Variants in NELFB observed in about 807,000 individuals in gnomAD.
NELFB encodes the protein negative elongation factor B.
In NELFB, 34 loss-of-function variants were observed where a neutral mutation model predicts 60.2. The ratio of observed to expected loss-of-function variants is 0.56; its 90% CI spans 0.43 to 0.75. NELFB has a LOEUF of 0.75. Among genes scored for constraint, NELFB ranks in the 30% least tolerant of loss-of-function variants. The probability of loss-of-function intolerance (pLI) is 0.00; values close to 1 mark genes in which losing one functional copy is unlikely to be tolerated. For synonymous variants in NELFB, 459 were observed against 382.1 expected, an observed-to-expected ratio of 1.20 and a Z score of -2.35; for missense variants, 770 against 831.6, an observed-to-expected ratio of 0.93 and a Z score of 0.91.
chr9:137,266,283 C>G (rs1437908140), intron 7 of NELFB, 48 bp from the exon 8 acceptor site: 1 of 1,543,402 alleles, frequency 6.5e-7, no homozygotes, highest in South Asian at 1.1e-5. Context: ...AGCTCCATGG[C>G]CAGGACACAG....
At chr9:137,263,361 CCTT>C (rs1392652748) in intron 5 of NELFB, 139 bp downstream of exon 5, 14 of 628,396 alleles carry the variant, frequency 2.2e-5, no homozygotes, top group South Asian at 3.8e-5. Context: ...CTCCCTCCCT[CCTT>C]CTCCCTTCTC....
In NELFB at chr9:137,263,111, G is replaced by A. The variant is rs369704459; in HGVS notation, c.816G>A (p.Thr272=). The stretch of plus-strand genomic sequence containing the variant: ...ACATGGTGCTGCAGTTTCTGCGCAC[G>A]CTCTTCCTGCGCACGCGGAATGTGC... The change falls in exon 5 of 13, where the codon ACG becomes ACA. Residue 272 remains threonine (T), a synonymous_variant. Coordinates refer to ENST00000343053, the MANE Select transcript of NELFB (RefSeq NM_015456.5). 1.9e-6 allele frequency: 3 copies of A among 1,613,926 alleles called. No individual in the cohort carries two copies. The highest frequency in any genetic ancestry group is 2.5e-6 in the Non-Finnish European group (3 of 1,179,972).
chr9:137,255,684 G>A (rs1837539299), intron 1 of NELFB, 73 bp downstream of exon 1: 3 of 1,478,024 alleles, frequency 2.0e-6, no homozygotes, highest in African/African-American at 1.4e-5. Flanking sequence ...GGGCCTGGCG[G>A]AGGCGCCGGA....
intron 9 of NELFB, 37 bp from the exon 10 acceptor site, chr9:137,267,203 T>C: frequency 4.0e-6 from 6 of 1,509,936 alleles, no homozygotes; most frequent in Non-Finnish European, 5.5e-6. Flanking sequence ...GGGGCTGAGG[T>C]GGGGCTGAGG....
rs200399989 is a variant in NELFB, at chr9:137,263,181, C to G, written c.886C>G (p.Leu296Val). Residue 296 changes from leucine to valine, a missense_variant, in exon 5 of 13, where the codon CTG becomes GTG. Leu to Val is a conservative substitution (Grantham distance 32, BLOSUM62 1). Transcript: ENST00000343053. ...TGAGCTGCTCATGTCCCTGCACGAC[C>G]TGGACGTGGGTGAAATCTGCACCGT... 6.2e-7 allele frequency: 1 copy of G among 1,613,736 alleles called. No homozygotes were observed. The highest frequency in any genetic ancestry group is 8.5e-7 in the Non-Finnish European group (1 of 1,179,944).
chr9:137,273,450 T>C lies in NELFB; in HGVS notation c.*522T>C, dbSNP rs1246801124. 1 of 153,212 alleles carries C rather than the reference T, an allele frequency of 6.5e-6. No homozygotes were observed. The highest frequency in any genetic ancestry group is 1.9e-4 in the East Asian group (1 of 5,212). The allele number at this position is 153,212 out of a possible 1,614,324, so 9.5% of individuals were successfully genotyped here. On this transcript the variant is annotated 3_prime_UTR_variant, in exon 13 of 13. Coordinates refer to ENST00000343053, the MANE Select transcript of NELFB (RefSeq NM_015456.5). ...TTTGCAGGTGTGGCCTTGTTTCTCC[T>C]TGCCCAGCAGTGCTGCCTTCAGCGG...
At chr9:137,258,566 G>A (rs1055392775) in intron 4 of NELFB, among the ~76,000 whole-genome samples, 1 of 147,988 alleles carries the variant, frequency 6.8e-6, no homozygotes, top group Non-Finnish European at 1.5e-5. Flanking sequence ...CTCCTGCCTC[G>A]GCCTCTCGAG....
At chr9:137,256,286 A>G (rs1176676637) in intron 2 of NELFB, 43 bp from the exon 3 acceptor site, 2 of 1,578,488 alleles carry the variant, frequency 1.3e-6, no homozygotes, top group Non-Finnish European at 1.7e-6. Context: ...AGCTGCTGCG[A>G]TTTGGCGCAT....
chr9:137,262,247 G>C (rs577483141), intron 4 of NELFB, among the ~76,000 whole-genome samples: 5 of 152,010 alleles, frequency 3.3e-5, no homozygotes, highest in Non-Finnish European at 7.4e-5. Flanking sequence ...AAACTCCCCC[G>C]GGGAAAGGGA....
chr9:137,267,134 G>T (rs1830529707), intron 9 of NELFB, 48 bp downstream of exon 9: 4 of 1,612,788 alleles, frequency 2.5e-6, no homozygotes, highest in African/African-American at 2.7e-5. Flanking sequence ...GCGCAGGGAT[G>T]GCACTGTTGC....
At chr9:137,268,056 A>G (rs1452784299) in intron 10 of NELFB, among the ~76,000 whole-genome samples, 2 of 152,056 alleles carry the variant, frequency 1.3e-5, no homozygotes, top group African/African-American at 4.8e-5. Context: ...GCAAGCCAGG[A>G]AGAAGAGGAA....
intron 10 of NELFB, among the ~76,000 whole-genome samples, chr9:137,268,244 G>C (rs769660373): frequency 6.6e-6 from 1 of 152,154 alleles, no homozygotes; most frequent in African/African-American, 2.4e-5. Flanking sequence ...TGCTGTCTTA[G>C]TCCACGTTAT....
rs1216433220 is a variant in NELFB at position 137,267,103 on chromosome 9, C to T, written c.1382+17C>T. Reference sequence around the variant, plus strand: ...CTTCACTAAGTACGGGCTGTAGGGCCATGGTGCAGGGGTGGCCGTGGCGCA... The same window carrying T: ...CTTCACTAAGTACGGGCTGTAGGGCTATGGTGCAGGGGTGGCCGTGGCGCA... On this transcript the variant is annotated intron_variant, in intron 9 of 12. Transcript: ENST00000343053. 4.3e-6 allele frequency: 7 copies of T among 1,613,694 alleles called. No homozygotes were observed. In the African/African-American group the frequency reaches 8.0e-5, roughly 18 times the overall value.
chr9:137,258,879 T>C (rs2118974894), intron 4 of NELFB, among the ~76,000 whole-genome samples: 1 of 152,326 alleles, frequency 6.6e-6, no homozygotes, highest in East Asian at 1.9e-4. Context: ...GTCCAGTATA[T>C]CCAAAATATT....
intron 10 of NELFB, among the ~76,000 whole-genome samples, chr9:137,267,950 C>G (rs2096677433): frequency 6.6e-6 from 1 of 152,174 alleles, no homozygotes; most frequent in Admixed American, 6.5e-5. Context: ...GAGAATGGAG[C>G]AAAGGGGAGG....
At chr9:137,261,643 G>A (rs1361662352) in intron 4 of NELFB, among the ~76,000 whole-genome samples, 34 of 124,310 alleles carry the variant, frequency 2.7e-4, no homozygotes, top group Admixed American at 2.7e-3. Flanking sequence ...GGGTGACAGC[G>A]CAAGACTCCG....
rs1837569395 is a variant in NELFB, at chr9:137,257,249, CTT to C, written c.741+198_741+199del. Among the ~76,000 whole-genome samples the C allele has an allele frequency of 2.0e-5, 3 of 152,266 alleles. No individual in the cohort carries two copies. The South Asian group carries it at 6.2e-4, about 31-fold the overall frequency. On this transcript the variant is annotated intron_variant, in intron 4 of 12. Coordinates refer to ENST00000343053, the MANE Select transcript of NELFB (RefSeq NM_015456.5). ...TGGTTGTTTTTCTGTTTGCATTTTA[CTT>C]TTCGTTAAAGTGATATATGGACAAC...
At chr9:137,271,959 GAAC>G (rs2118992178) in intron 10 of NELFB, 119 bp from the exon 11 acceptor site, 2 of 1,307,978 alleles carry the variant, frequency 1.5e-6, no homozygotes, top group Non-Finnish European at 2.1e-6. Flanking sequence ...TCTCATCTCA[GAAC>G]AACTGAGAAC....
chr9:137,261,852 G>C (rs767598012), intron 4 of NELFB, among the ~76,000 whole-genome samples: 2 of 151,760 alleles, frequency 1.3e-5, no homozygotes, highest in African/African-American at 4.8e-5. Context: ...GTCAGGCTGC[G>C]CTGATATTTA....
Sources: allele counts gnomAD v4.1 joint callset (sites outside exome capture counted in the v4.1 genomes callset), GRCh38; gene constraint gnomAD v4.1.1; transcripts MANE v1.5; gene names NCBI Gene and HGNC (gene_info 2026-07-23, HGNC 2026-07-21).